CCSER1: variants seen among roughly 807,000 people sequenced by gnomAD.
The protein encoded by CCSER1 is serine-rich coiled-coil domain-containing protein 1.
In CCSER1, 41 loss-of-function variants were observed where a neutral mutation model predicts 82.0. The ratio of observed to expected loss-of-function variants is 0.50; its 90% CI spans 0.39 to 0.65. The LOEUF is 0.65. Ranked by LOEUF, CCSER1 falls within the 30% of genes least tolerant of loss-of-function variation. The probability of loss-of-function intolerance (pLI) is 0.00; values close to 1 mark genes in which losing one functional copy is unlikely to be tolerated. For missense variants in CCSER1, 1,119 were observed against 1,064.2 expected (o/e 1.05, Z -0.72); for synonymous variants, 414 against 383.9 (o/e 1.08, Z -0.92).
At chr4:91,319,153 A>AT (rs1746023263) in intron 10 of CCSER1, 1 of 235,102 alleles carries the variant, frequency 4.3e-6, no homozygotes, top group African/African-American at 2.4e-5. Context: ...AAAAAATAAA[A>AT]TTAGATGATG....
chr4:90,859,358 T>G (rs1764807787), intron 8 of CCSER1, among the ~76,000 whole-genome samples: 1 of 151,886 alleles, frequency 6.6e-6, no homozygotes, highest in Non-Finnish European at 1.5e-5. Context: ...GACTGCATAT[T>G]TAATTAATTT....
chr4:90,670,337 G>C (rs932729666), intron 6 of CCSER1, among the ~76,000 whole-genome samples: 1 of 152,044 alleles, frequency 6.6e-6, no homozygotes, highest in African/African-American at 2.4e-5. Flanking sequence ...CAAGATAAAG[G>C]GAGTGAGGGA....
chr4:90,612,431 A>G (rs527656055), intron 5 of CCSER1, among the ~76,000 whole-genome samples: 1 of 152,330 alleles, frequency 6.6e-6, no homozygotes, highest in Admixed American at 6.5e-5. Context: ...AAGACAGAAA[A>G]TGAGTAAACA....
At chr4:91,560,213 T>G (rs1361241428) in intron 10 of CCSER1, among the ~76,000 whole-genome samples, 1 of 151,548 alleles carries the variant, frequency 6.6e-6, no homozygotes, top group Non-Finnish European at 1.5e-5. Flanking sequence ...GTTGCTACCA[T>G]ATAATTTCCA....
At position 91,551,955 on chromosome 4, in the gene CCSER1, A is replaced by G. The variant is rs78727226; in HGVS notation, c.2218-46617A>G. Among the ~76,000 whole-genome samples, 135 of 151,912 alleles carry G rather than the reference A, an allele frequency of 8.9e-4. 3 individuals carry two copies. The highest frequency in any genetic ancestry group is 3.1e-3 in the African/African-American group (128 of 41,346). On this transcript the variant is annotated intron_variant, in intron 10 of 10. Coordinates refer to ENST00000509176, the MANE Select transcript of CCSER1 (RefSeq NM_001145065.2). ...AAAGTAGAGGCAAAAGGGAGGGGAA[A>G]AATGCTGTGGCAGTTTGAATTTTGA...
chr4:90,993,272 T>C (rs978832823), intron 9 of CCSER1, among the ~76,000 whole-genome samples: 1 of 152,072 alleles, frequency 6.6e-6, no homozygotes, highest in Non-Finnish European at 1.5e-5. Context: ...TTGTGAATAA[T>C]GATGCATCCT....
intron 9 of CCSER1, among the ~76,000 whole-genome samples, chr4:91,054,575 T>A (rs1561507253): frequency 6.6e-6 from 1 of 152,164 alleles, no homozygotes; most frequent in Non-Finnish European, 1.5e-5. Context: ...TTTTCCATTC[T>A]TTCACTTTCA....
intron 9 of CCSER1, among the ~76,000 whole-genome samples, chr4:91,066,831 G>C (rs1257320702): frequency 6.6e-6 from 1 of 152,138 alleles, no homozygotes; most frequent in African/African-American, 2.4e-5. Context: ...AGTGTAAGCA[G>C]CAGGAGAAAG....
At chr4:91,354,800 G>A in intron 10 of CCSER1, among the ~76,000 whole-genome samples, 1 of 152,144 alleles carries the variant, frequency 6.6e-6, no homozygotes, top group Non-Finnish European at 1.5e-5. Context: ...AACATGAAGT[G>A]ACATTTAGAG....
chr4:90,519,374 A>G (rs2153623147), intron 5 of CCSER1, among the ~76,000 whole-genome samples: 1 of 152,048 alleles, frequency 6.6e-6, no homozygotes, highest in East Asian at 1.9e-4. Context: ...TTGAGTGACA[A>G]TTTATATTAT....
intron 4 of CCSER1, among the ~76,000 whole-genome samples, chr4:90,418,201 T>A (rs1264311870): frequency 6.6e-6 from 1 of 152,094 alleles, no homozygotes; most frequent in Non-Finnish European, 1.5e-5. Context: ...TAAAGCTTTG[T>A]AGAATATGCA....
intron 5 of CCSER1, among the ~76,000 whole-genome samples, chr4:90,518,632 A>G (rs1772617540): frequency 6.6e-6 from 1 of 152,008 alleles, no homozygotes; most frequent in Non-Finnish European, 1.5e-5. Flanking sequence ...AGCAGAAAAT[A>G]TTAATGAATC....
intron 5 of CCSER1, among the ~76,000 whole-genome samples, chr4:90,581,656 G>A (rs1479878769): frequency 6.6e-6 from 1 of 152,034 alleles, no homozygotes; most frequent in Non-Finnish European, 1.5e-5. Flanking sequence ...AAAAATATGG[G>A]TTCTATGTCT....
At position 91,118,843 on chromosome 4, in the gene CCSER1, G is replaced by A. The variant is rs542247620; in HGVS notation, c.2217+32849G>A. On this transcript the variant is annotated intron_variant, in intron 10 of 10. Transcript: ENST00000509176. ...GTACTATGATCAACTCTTACCAGTA[G>A]TTTTTGTAGAAGATGTTTCTGTGGT... 2.6e-5 allele frequency among the ~76,000 whole-genome samples: 4 copies of A among 152,256 alleles called. No homozygotes were observed. The East Asian group carries it at 7.7e-4, about 29-fold the overall frequency.
At chr4:90,691,537 ATACATGTG>A in intron 6 of CCSER1, among the ~76,000 whole-genome samples, 1 of 143,606 alleles carries the variant, frequency 7.0e-6, no homozygotes, top group East Asian at 2.3e-4. Context: ...CACACGTATA[ATACATGTG>A]TACATATCAC....
chr4:90,441,733 C>T (rs1759907048), intron 4 of CCSER1, among the ~76,000 whole-genome samples: 1 of 152,156 alleles, frequency 6.6e-6, no homozygotes, highest in Non-Finnish European at 1.5e-5. Context: ...TGGGAGGGTC[C>T]ACAAGTACCT....
At chr4:90,579,158 C>T (rs969126533) in intron 5 of CCSER1, among the ~76,000 whole-genome samples, 7 of 151,896 alleles carry the variant, frequency 4.6e-5, no homozygotes, top group South Asian at 2.1e-4. Flanking sequence ...ATATTTTTTT[C>T]GCATGCTATA....
intron 5 of CCSER1, among the ~76,000 whole-genome samples, chr4:90,522,374 T>G (rs1363148001): frequency 6.6e-6 from 1 of 152,192 alleles, no homozygotes; most frequent in Non-Finnish European, 1.5e-5. Flanking sequence ...GGTCACATAT[T>G]TATCATTTTC....
chr4:90,891,154 A>C (rs1440728545), intron 8 of CCSER1, among the ~76,000 whole-genome samples: 1 of 151,836 alleles, frequency 6.6e-6, no homozygotes, highest in African/African-American at 2.4e-5. Flanking sequence ...GCAAATAATA[A>C]AAATATATAA....
Sources: allele counts gnomAD v4.1 joint callset (sites outside exome capture counted in the v4.1 genomes callset), GRCh38; gene constraint gnomAD v4.1.1; transcripts MANE v1.5; gene names NCBI Gene and HGNC (gene_info 2026-07-23, HGNC 2026-07-21).